The following ASCC3 variants were observed in gnomAD, a reference collection of about 807,000 sequenced individuals.
ASCC3 encodes activating signal cointegrator 1 complex subunit 3.
Under a neutral mutation model 256.3 loss-of-function variants are expected in ASCC3, and 158 were observed. That is an observed-to-expected ratio of 0.62 (90% CI 0.54 to 0.70). ASCC3 has a LOEUF of 0.70. ASCC3 is among the 30% of genes least tolerant of loss of function. The pLI is 0.00. For synonymous variants in ASCC3, 948 were observed against 883.4 expected (o/e 1.07, Z -1.30); for missense variants, 2,259 against 2,626.0 (o/e 0.86, Z 3.05).
At chr6:100,805,522 T>C (rs996619858) in intron 5 of ASCC3, among the ~76,000 whole-genome samples, 39 of 152,024 alleles carry the variant, frequency 2.6e-4, no homozygotes, top group African/African-American at 9.4e-4. Context: ...AAGAAGAAAG[T>C]TGTGTATTCT....
intron 8 of ASCC3, among the ~76,000 whole-genome samples, chr6:100,797,481 A>G (rs1769684302): frequency 6.8e-6 from 1 of 147,328 alleles, no homozygotes; most frequent in Admixed American, 6.7e-5. Flanking sequence ...AAAAAATGAA[A>G]AAAAAAAAAA....
intron 4 of ASCC3, among the ~76,000 whole-genome samples, chr6:100,836,711 G>A (rs563916323): frequency 2.0e-5 from 3 of 151,980 alleles, no homozygotes; most frequent in South Asian, 4.2e-4. Flanking sequence ...TTCTTTTCTC[G>A]TTGTGTCCTT....
chr6:100,553,542 G>A (rs1769411749), intron 36 of ASCC3, among the ~76,000 whole-genome samples: 1 of 152,012 alleles, frequency 6.6e-6, no homozygotes, highest in Admixed American at 6.6e-5. Context: ...TTTATTTAGT[G>A]TAGGCTGGAC....
chr6:100,636,692 T>C (rs1774862120), intron 25 of ASCC3, among the ~76,000 whole-genome samples: 1 of 152,098 alleles, frequency 6.6e-6, no homozygotes, highest in Non-Finnish European at 1.5e-5. Context: ...TTGAAGGAAA[T>C]GAAAAGTGCT....
intron 8 of ASCC3, among the ~76,000 whole-genome samples, chr6:100,781,684 G>A (rs1036352013): frequency 1.3e-5 from 2 of 151,642 alleles, no homozygotes; most frequent in Non-Finnish European, 2.9e-5. Flanking sequence ...CACCGCGCCC[G>A]GCCAGTACAT....
intron 8 of ASCC3, among the ~76,000 whole-genome samples, chr6:100,768,671 G>T (rs1476197583): frequency 6.6e-6 from 1 of 152,060 alleles, no homozygotes; most frequent in African/African-American, 2.4e-5. Context: ...ATAGAACAAG[G>T]AGGCATGAAA....
At chr6:100,687,349 A>T (rs1031726386) in intron 13 of ASCC3, among the ~76,000 whole-genome samples, 2 of 151,852 alleles carry the variant, frequency 1.3e-5, no homozygotes, top group African/African-American at 4.8e-5. Context: ...ATTGAAGCAA[A>T]TCTTTAATAG....
intron 20 of ASCC3, 62 bp from the exon 21 acceptor site, chr6:100,647,513 A>G: frequency 1.4e-6 from 2 of 1,422,692 alleles, no homozygotes; most frequent in Non-Finnish European, 2.0e-6. Flanking sequence ...TTGTCAATAA[A>G]TCTATTATTC....
chr6:100,638,538 T>C, intron 25 of ASCC3, 63 bp downstream of exon 25: 2 of 1,355,826 alleles, frequency 1.5e-6, no homozygotes, highest in Non-Finnish European at 2.1e-6. Context: ...TTTAGAACTG[T>C]CTAGTTTAGA....
rs1186569383 is a variant in ASCC3 at position 100,509,218 on chromosome 6, G to A, written c.*168C>T. 1.2e-6 allele frequency: 1 copy of A among 835,266 alleles called. No homozygotes were observed. The allele number at this position is 835,266 out of a possible 1,614,324, so 51.7% of individuals were successfully genotyped here. On this transcript the variant is annotated 3_prime_UTR_variant, in exon 42 of 42. Coordinates refer to ENST00000369162, the MANE Select transcript of ASCC3 (RefSeq NM_006828.4). ...CAACATTTGTTAAAAGGCCACTGTG[G>A]TTAACTTTATGTCACTGGAGTCAAT... is the stretch of plus-strand genomic sequence containing the variant.
At chr6:100,677,752 T>C (rs1197310786) in intron 14 of ASCC3, among the ~76,000 whole-genome samples, 3 of 149,126 alleles carry the variant, frequency 2.0e-5, no homozygotes, top group Non-Finnish European at 4.4e-5. Context: ...TGCAATTCAT[T>C]CTTCTTGAAA....
Position 100,745,184 on chromosome 6 carries a change from G to T in ASCC3, c.1738-19481C>A, listed in dbSNP as rs955681727. Among the ~76,000 whole-genome samples, 5 of 152,248 alleles carry T rather than the reference G, an allele frequency of 3.3e-5. No homozygotes were observed. The East Asian group carries it at 9.7e-4, about 29-fold the overall frequency. ...TCTACTAAAAATACAAAAATTAGCT[G>T]AGCATGTTGGTGCGCGCCTATAATC... On this transcript the variant is annotated intron_variant, in intron 10 of 41. Coordinates refer to ENST00000369162, the MANE Select transcript of ASCC3 (RefSeq NM_006828.4).
intron 1 of ASCC3, among the ~76,000 whole-genome samples, chr6:100,873,132 T>TAAAA (rs144017505): frequency 6.6e-6 from 1 of 151,668 alleles, no homozygotes; most frequent in Admixed American, 6.6e-5. Context: ...TTATGGAAAT[T>TAAAA]TAAATAAACA....
chr6:100,821,188 AT>A (rs939923922), intron 4 of ASCC3, among the ~76,000 whole-genome samples: 2 of 151,816 alleles, frequency 1.3e-5, no homozygotes, highest in East Asian at 3.9e-4. Context: ...TCAGCTAATT[AT>A]TTTTTTTGTG....
At chr6:100,622,976 A>T (rs1199377933) in intron 30 of ASCC3, among the ~76,000 whole-genome samples, 1 of 152,096 alleles carries the variant, frequency 6.6e-6, no homozygotes, top group African/African-American at 2.4e-5. Context: ...AACATCCCAA[A>T]GTGTGTTTGG....
intron 13 of ASCC3, among the ~76,000 whole-genome samples, chr6:100,684,518 T>C (rs1050882430): frequency 1.3e-5 from 2 of 152,188 alleles, no homozygotes; most frequent in Non-Finnish European, 2.9e-5. Context: ...ACCTCTGTCA[T>C]AGCTGGTAAG....
At chr6:100,567,830 C>T (rs1414426363) in intron 36 of ASCC3, among the ~76,000 whole-genome samples, 4 of 152,082 alleles carry the variant, frequency 2.6e-5, no homozygotes, top group Admixed American at 6.6e-5. Flanking sequence ...AATGTCTTTG[C>T]TACTGTGAGT....
intron 33 of ASCC3, 95 bp from the exon 34 acceptor site, chr6:100,602,030 T>G: frequency 1.4e-6 from 2 of 1,398,894 alleles, no homozygotes; most frequent in Non-Finnish European, 2.0e-6. Context: ...TTTTATGTTC[T>G]AAGATAAAAA....
rs1220759268 is a variant in ASCC3 at position 100,602,013 on chromosome 6, A to T, written c.5178-78T>A. On this transcript the variant is annotated intron_variant, in intron 33 of 41. Transcript: ENST00000369162. Reference sequence around the variant, plus strand: ...CTGAAATTTATCTCACATAGTCAAGATTCAGATTTTATGTTCTAAGATAAA... The same window carrying T: ...CTGAAATTTATCTCACATAGTCAAGTTTCAGATTTTATGTTCTAAGATAAA... 4.0e-6 allele frequency: 6 copies of T among 1,510,804 alleles called. No homozygotes were observed. The African/African-American group carries it at 8.3e-5, about 21-fold the overall frequency. 93.6% of individuals were successfully genotyped at this position (1,510,804 alleles called of 1,614,324 possible). A position where few individuals can be genotyped will look rare whatever the true frequency, so the allele number is the denominator to read the frequency against.
Sources: gnomAD v4.1 joint callset for allele counts (sites outside exome capture counted in the v4.1 genomes callset) on GRCh38, gnomAD v4.1.1 for gene constraint, MANE v1.5 for transcripts, NCBI Gene and HGNC (gene_info 2026-07-23, HGNC 2026-07-21) for gene names.